The following SPATA24 variants were observed in gnomAD, a reference collection of about 807,000 sequenced individuals.
The protein encoded by SPATA24 is spermatogenesis associated 24, also known as spermatogenesis-associated protein 24.
SPATA24 carries 21 observed loss-of-function variants against 28.9 expected under a neutral mutation model. The ratio of observed to expected loss-of-function variants is 0.73; its 90% CI spans 0.52 to 1.05. The LOEUF is 1.05. SPATA24 is among the 50% of genes least tolerant of loss of function. The pLI is 0.00. For missense variants in SPATA24, 215 were observed against 242.9 expected, an observed-to-expected ratio of 0.88 and a Z score of 0.76; for synonymous variants, 76 against 89.9, an observed-to-expected ratio of 0.85 and a Z score of 0.88.
At chr5:139,394,952 G>C, downstream of SPATA24, 1 of 1,521,684 alleles carries the variant, frequency 6.6e-7, no homozygotes, top group Non-Finnish European at 8.8e-7. Flanking sequence ...CCAACGTCCG[G>C]GGGCTCCGGA....
At chr5:139,394,944 A>G (rs1032890793), downstream of SPATA24, 1 of 1,521,280 alleles carries the variant, frequency 6.6e-7, no homozygotes, top group Admixed American at 2.1e-5. Flanking sequence ...CGTCCGGCCC[A>G]ACGTCCGGGG....
chr5:139,392,626 T>C, downstream of SPATA24: 1 of 1,380,240 alleles, frequency 7.2e-7, no homozygotes, highest in Non-Finnish European at 9.4e-7. The surrounding 1 kb of genome is among the most constrained non-coding windows in gnomAD (Gnocchi z 5.8). Flanking sequence ...AGGTGGTGTC[T>C]TCGGTTTGGG....
intron 4 of SPATA24, among the ~76,000 whole-genome samples, chr5:139,398,416 A>AC (rs1327542850): frequency 1.3e-5 from 2 of 151,194 alleles, no homozygotes; most frequent in East Asian, 1.9e-4. Context: ...AAAAAAAAAA[A>AC]AACAAAAAAC....
intron 1 of SPATA24, among the ~76,000 whole-genome samples, chr5:139,403,065 G>A (rs951227572): frequency 2.0e-5 from 3 of 152,208 alleles, no homozygotes; most frequent in Non-Finnish European, 2.9e-5. Flanking sequence ...GGGTGGGCCA[G>A]AAGAGGGATA....
chr5:139,402,001 C>T lies in SPATA24; in HGVS notation c.228G>A (p.Lys76=). ...AHAKTKVLLA[K]EEEKLQFALG... ...GGGCAAACTGTAACTTCTCCTCTTC[C>T]TTGGCCAGGAGGACCTTGGTTTTGG... is the stretch of plus-strand genomic sequence containing the variant. The change falls in exon 3 of 6, where the codon AAG becomes AAA. Residue 76 remains lysine (K), a synonymous_variant. Transcript: ENST00000450845. 6.4e-7 allele frequency: 1 copy of T among 1,551,638 alleles called. No individual in the cohort carries two copies. The highest frequency in any genetic ancestry group is 8.7e-7 in the Non-Finnish European group (1 of 1,146,982).
downstream of SPATA24, chr5:139,393,590 G>A: frequency 6.4e-7 from 1 of 1,550,896 alleles, no homozygotes; most frequent in Non-Finnish European, 8.7e-7. Context: ...AAGGCCGGCG[G>A]GGACGGGCTG....
rs1311172388 is a variant in SPATA24, at chr5:139,401,692, C to G, written c.385+63G>C. 4.0e-6 allele frequency: 6 copies of G among 1,501,196 alleles called. No individual in the cohort carries two copies. The East Asian group carries it at 1.5e-4, about 37-fold the overall frequency. The allele number at this position is 1,501,196 out of a possible 1,614,324, so 93.0% of individuals were successfully genotyped here. A position where few individuals can be genotyped will look rare whatever the true frequency, so the allele number is the denominator to read the frequency against. On this transcript the variant is annotated intron_variant, in intron 4 of 5. Transcript: ENST00000450845. ...TGAAACCCTGCCTTTGACACAGGCA[C>G]TGGGTGGTTAGGAAAGAGCCCGTTT...
In SPATA24 at chr5:139,402,576, G is replaced by A. The variant is rs1306466302; in HGVS notation, c.183+52C>T. Reference sequence around the variant, plus strand: ...TACTTAATGAGCCTGCCTAACCACAGGGATCCTGGGAAACGGGGGAAGATT... The same window carrying A: ...TACTTAATGAGCCTGCCTAACCACAAGGATCCTGGGAAACGGGGGAAGATT... On this transcript the variant is annotated intron_variant, in intron 2 of 5. Coordinates refer to ENST00000450845, the MANE Select transcript of SPATA24 (RefSeq NM_194296.2). 2.0e-6 allele frequency: 3 copies of A among 1,497,042 alleles called. No individual in the cohort carries two copies. The Admixed American group carries it at 5.9e-5, about 29-fold the overall frequency. 92.7% of individuals were successfully genotyped at this position (1,497,042 alleles called of 1,614,324 possible). A position where few individuals can be genotyped will look rare whatever the true frequency, so the allele number is the denominator to read the frequency against.
At chr5:139,393,164 G>A, downstream of SPATA24, 2 of 1,548,000 alleles carry the variant, frequency 1.3e-6, no homozygotes, top group Non-Finnish European at 1.7e-6. Context: ...GCTCCTGCCG[G>A]GAAGCCTGGC....
At chr5:139,402,265 G>A (rs1319038488) in intron 2 of SPATA24, among the ~76,000 whole-genome samples, 1 of 151,132 alleles carries the variant, frequency 6.6e-6, no homozygotes, top group Non-Finnish European at 1.5e-5. Context: ...ACAGGCTGGA[G>A]TGCAGTGGCA....
At chr5:139,393,734 T>G (rs1434377298), downstream of SPATA24, 1 of 1,551,374 alleles carries the variant, frequency 6.4e-7, no homozygotes, top group Admixed American at 2.0e-5. Flanking sequence ...GGGCTTCTCC[T>G]GCTGACAGTT....
intron 2 of SPATA24, among the ~76,000 whole-genome samples, 187 bp from the exon 3 acceptor site, chr5:139,402,232 TAGAC>T: frequency 6.6e-6 from 1 of 151,094 alleles, no homozygotes; most frequent in African/African-American, 2.4e-5. Flanking sequence ...TTTTTTTTTT[TAGAC>T]AGAGTCTCAC....
At chr5:139,394,466 G>T, downstream of SPATA24, 1 of 1,410,976 alleles carries the variant, frequency 7.1e-7, no homozygotes, top group Non-Finnish European at 9.2e-7. Context: ...TGACGCTTGG[G>T]CACTGTCCGG....
At chr5:139,403,843 T>C (rs1046421462) in intron 1 of SPATA24, 101 bp downstream of exon 1, 9 of 1,022,840 alleles carry the variant, frequency 8.8e-6, no homozygotes, top group Non-Finnish European at 1.3e-5. Flanking sequence ...CCATGGGCCA[T>C]GCGTTCTAGC....
downstream of SPATA24, chr5:139,394,667 C>T: frequency 6.5e-7 from 1 of 1,534,778 alleles, no homozygotes; most frequent in East Asian, 2.5e-5. Context: ...CTGATGAAGG[C>T]CGGCTCCGTG....
chr5:139,402,622 A>G lies in SPATA24; in HGVS notation c.183+6T>C. On this transcript the variant is annotated splice_donor_region_variant and intron_variant, in intron 2 of 5. Transcript: ENST00000450845. ...AGATTAGGAGACCGCAGAGGCCATT[A>G]CTTACCACCAGCTTCTTCTCCACTG... is the stretch of plus-strand genomic sequence containing the variant. 6.4e-7 allele frequency: 1 copy of G among 1,551,502 alleles called. No individual in the cohort carries two copies. Among genetic ancestry groups the G allele is most frequent in the Non-Finnish European group, 8.7e-7 (1 of 1,146,794 alleles).
In SPATA24 at chr5:139,396,770, C is replaced by T. The variant is rs1365496749; in HGVS notation, c.*30G>A. The T allele has an allele frequency of 3.2e-6, 5 of 1,551,536 alleles. No individual in the cohort carries two copies. The African/African-American group carries it at 4.1e-5, about 13-fold the overall frequency. On this transcript the variant is annotated 3_prime_UTR_variant, in exon 6 of 6. Transcript: ENST00000450845. ...CAGAGAAGGCAGAGGCTGGGGATTA[C>T]AGCCAGAGAACAGGAAAGCGGCGGC...
downstream of SPATA24, chr5:139,394,349 G>T: frequency 7.0e-7 from 1 of 1,426,536 alleles, no homozygotes; most frequent in East Asian, 2.8e-5. Flanking sequence ...GCGGCGGCCT[G>T]CAGGGGGCCC....
downstream of SPATA24, chr5:139,394,565 G>A: frequency 2.0e-6 from 3 of 1,522,154 alleles, no homozygotes; most frequent in Non-Finnish European, 2.6e-6. Context: ...CGGGGCCGCA[G>A]CTCTAGGTAG....
Sources: allele counts gnomAD v4.1 joint callset (sites outside exome capture counted in the v4.1 genomes callset), GRCh38; gene constraint gnomAD v4.1.1; non-coding constraint Gnocchi (gnomAD v3.1); transcripts MANE v1.5; gene names NCBI Gene and HGNC (gene_info 2026-07-23, HGNC 2026-07-21).